ZNF503: variants seen among roughly 807,000 people sequenced by gnomAD.
ZNF503 encodes zinc finger protein 503, also known as NocA-like zinc finger 2.
A neutral mutation model predicts 34.4 loss-of-function variants in ZNF503; 15 were observed. That is an observed-to-expected ratio of 0.44 (90% CI 0.29 to 0.67). The LOEUF (loss-of-function observed/expected upper bound fraction) is 0.67, where lower values mean the gene tolerates loss of function less well. ZNF503 is among the 30% of genes least tolerant of loss of function. The pLI is 0.13. For synonymous variants in ZNF503, 580 were observed against 456.8 expected (o/e 1.27, Z -3.44); for missense variants, 1,007 against 926.8 (o/e 1.09, Z -1.12).
the ZNF503 span, among the ~76,000 whole-genome samples, chr10:75,346,035 T>G: frequency 6.6e-6 from 1 of 152,340 alleles, no homozygotes; most frequent in Non-Finnish European, 1.5e-5. Context: ...ACTGTTCAGT[T>G]CTGTCTGCAT....
chr10:75,371,553 T>C, the ZNF503 span, among the ~76,000 whole-genome samples: 4 of 152,160 alleles, frequency 2.6e-5, no homozygotes, highest in African/African-American at 9.7e-5. Context: ...ACATCCTTGA[T>C]TTCACACCCA....
chr10:75,351,407 A>T, the ZNF503 span, among the ~76,000 whole-genome samples: 1 of 152,254 alleles, frequency 6.6e-6, no homozygotes, highest in South Asian at 2.1e-4. Context: ...CCCGACCTTC[A>T]GTGATCTGCC....
downstream of ZNF503, among the ~76,000 whole-genome samples, chr10:75,396,595 G>A (rs1464975862): frequency 1.3e-5 from 2 of 152,198 alleles, no homozygotes; most frequent in African/African-American, 4.8e-5. This position sits in a 1 kb window ranked among gnomAD's most constrained non-coding sequence, Gnocchi z 4.4. Flanking sequence ...CTGACTTCGC[G>A]CGGCCGTGAG....
the ZNF503 span, among the ~76,000 whole-genome samples, chr10:75,346,009 G>A: frequency 6.6e-6 from 1 of 152,234 alleles, no homozygotes; most frequent in Non-Finnish European, 1.5e-5. Context: ...ACCTCTTGTG[G>A]CAGCTGACTG....
chr10:75,310,613 A>G, the ZNF503 span, among the ~76,000 whole-genome samples: 1 of 152,352 alleles, frequency 6.6e-6, no homozygotes, highest in African/African-American at 2.4e-5. Context: ...TACCAGAATG[A>G]TATCAGAAAA....
chr10:75,302,786 A>G, the ZNF503 span, among the ~76,000 whole-genome samples: 1 of 152,342 alleles, frequency 6.6e-6, no homozygotes, highest in East Asian at 1.9e-4. Flanking sequence ...CTTATCTGAC[A>G]GTACTCTAAA....
At chr10:75,302,497 A>G in the ZNF503 span, among the ~76,000 whole-genome samples, 4 of 152,184 alleles carry the variant, frequency 2.6e-5, 2 homozygotes, top group Admixed American at 2.6e-4. Context: ...ATATGTGGGT[A>G]CCCTTAATAT....
chr10:75,347,721 T>C, the ZNF503 span, among the ~76,000 whole-genome samples: 4 of 152,244 alleles, frequency 2.6e-5, no homozygotes, highest in South Asian at 8.3e-4. Flanking sequence ...AAAAAGCTTT[T>C]TGTTGACACC....
Position 75,398,632 on chromosome 10 carries a change from G to T in ZNF503, c.*117C>A. ...ATACGGTATACATTTCTTTCCTTTCGTGGCCCGAGTCCTCCCCACGCGCGG... is the reference window on the plus strand; with the variant it reads ...ATACGGTATACATTTCTTTCCTTTCTTGGCCCGAGTCCTCCCCACGCGCGG... On this transcript the variant is annotated 3_prime_UTR_variant, in exon 2 of 2. Transcript: ENST00000372524. 2 of 955,948 alleles carry T rather than the reference G, an allele frequency of 2.1e-6. No individual in the cohort carries two copies. The highest frequency in any genetic ancestry group is 2.7e-6 in the Non-Finnish European group (2 of 727,616). 59.2% of individuals were successfully genotyped at this position (955,948 alleles called of 1,614,324 possible).
the ZNF503 span, among the ~76,000 whole-genome samples, chr10:75,365,846 C>G: frequency 2.0e-5 from 3 of 152,096 alleles, no homozygotes; most frequent in Admixed American, 6.6e-5. Context: ...AAGAAAAGGG[C>G]CAAGTTGTAT....
the ZNF503 span, chr10:75,288,815 G>A: frequency 6.6e-6 from 1 of 152,266 alleles, no homozygotes; most frequent in East Asian, 1.9e-4. Context: ...AGAACAAAAA[G>A]TATTTTTCCC....
chr10:75,346,705 GTACTGGGATTACAGGTGTGAGC>G, the ZNF503 span, among the ~76,000 whole-genome samples: 1 of 152,042 alleles, frequency 6.6e-6, no homozygotes, highest in Non-Finnish European at 1.5e-5. Context: ...GCCTCCCAAA[GTACTGGGATTACAGGTGTGAGC>G]CACCACACCC....
the ZNF503 span, among the ~76,000 whole-genome samples, chr10:75,344,518 T>C: frequency 6.6e-6 from 1 of 152,168 alleles, no homozygotes; most frequent in African/African-American, 2.4e-5. Flanking sequence ...TCTTGCCCTT[T>C]CTCCTTGCTG....
downstream of ZNF503, among the ~76,000 whole-genome samples, chr10:75,394,118 T>C (rs1843672099): frequency 6.6e-6 from 1 of 152,240 alleles, no homozygotes; most frequent in Non-Finnish European, 1.5e-5. Context: ...TTTCCGCTGC[T>C]GAGCCTCAGT....
chr10:75,347,701 G>T, the ZNF503 span, among the ~76,000 whole-genome samples: 1 of 152,230 alleles, frequency 6.6e-6, no homozygotes, highest in Non-Finnish European at 1.5e-5. Flanking sequence ...TTATGATGAT[G>T]ATTATTCTAA....
At chr10:75,339,941 C>T in the ZNF503 span, among the ~76,000 whole-genome samples, 104 of 151,978 alleles carry the variant, frequency 6.8e-4, 3 homozygotes, top group South Asian at 0.018. Context: ...ATAAACTGGG[C>T]GCAGTGGCTC....
At chr10:75,319,103 G>C in the ZNF503 span, among the ~76,000 whole-genome samples, 1 of 152,072 alleles carries the variant, frequency 6.6e-6, no homozygotes, top group Admixed American at 6.6e-5. Context: ...GGGACTACAG[G>C]TGTGCACTGC....
the ZNF503 span, among the ~76,000 whole-genome samples, chr10:75,335,073 T>A: frequency 6.6e-6 from 1 of 152,188 alleles, no homozygotes; most frequent in Non-Finnish European, 1.5e-5. Context: ...AAATCTCAGT[T>A]CCATCATTTA....
At chr10:75,350,479 T>C in the ZNF503 span, 32 of 152,320 alleles carry the variant, frequency 2.1e-4, no homozygotes, top group African/African-American at 6.5e-4. Flanking sequence ...AGGTAACCAC[T>C]GTTATCAGCT....
Sources: gnomAD v4.1 joint callset for allele counts (sites outside exome capture counted in the v4.1 genomes callset) on GRCh38, gnomAD v4.1.1 for gene constraint, Gnocchi (gnomAD v3.1) non-coding constraint, MANE v1.5 for transcripts, NCBI Gene and HGNC (gene_info 2026-07-23, HGNC 2026-07-21) for gene names.